PKP1: variants seen among roughly 807,000 people sequenced by gnomAD.
The protein encoded by PKP1 is plakophilin 1.
A neutral mutation model predicts 76.4 loss-of-function variants in PKP1; 27 were observed. The observed-to-expected ratio is 0.35, with a 90% CI of 0.26 to 0.49. The LOEUF (loss-of-function observed/expected upper bound fraction) is 0.49, where lower values mean the gene tolerates loss of function less well. PKP1 is among the 20% of genes least tolerant of loss of function. The probability of loss-of-function intolerance (pLI) is 0.99; values close to 1 mark genes in which losing one functional copy is unlikely to be tolerated. For synonymous variants in PKP1, 404 were observed against 384.2 expected (o/e 1.05, Z -0.60); for missense variants, 964 against 955.2 (o/e 1.01, Z -0.12).
intron 13 of PKP1, among the ~76,000 whole-genome samples, chr1:201,329,244 CT>C (rs1344735274): frequency 6.6e-6 from 1 of 152,140 alleles, no homozygotes; most frequent in East Asian, 1.9e-4. Flanking sequence ...ACACAGCTCA[CT>C]TTTTTATCCT....
chr1:201,315,802 G>A (rs537388083), intron 3 of PKP1, among the ~76,000 whole-genome samples: 52 of 152,324 alleles, frequency 3.4e-4, no homozygotes, highest in Non-Finnish European at 6.2e-4. Flanking sequence ...TGGAGAAGCC[G>A]CTGATGGTTT....
chr1:201,299,111 C>G (rs1169322914), intron 2 of PKP1, among the ~76,000 whole-genome samples: 3 of 152,208 alleles, frequency 2.0e-5, no homozygotes, highest in African/African-American at 7.2e-5. Context: ...ACCCTAGCAG[C>G]AGCAGAAACA....
chr1:201,311,324 G>A (rs1656545359), intron 2 of PKP1, among the ~76,000 whole-genome samples: 1 of 152,194 alleles, frequency 6.6e-6, no homozygotes, highest in Non-Finnish European at 1.5e-5. Context: ...CCTTGTGATT[G>A]TCCATCTATG....
At chr1:201,307,590 C>T (rs950817631) in intron 2 of PKP1, among the ~76,000 whole-genome samples, 4 of 152,108 alleles carry the variant, frequency 2.6e-5, no homozygotes, top group South Asian at 2.1e-4. Flanking sequence ...AGAGCAGAGC[C>T]GCTAAGCCAC....
chr1:201,323,053 A>T lies in PKP1; in HGVS notation c.1544A>T (p.Asn515Ile), dbSNP rs751444082. The T allele has an allele frequency of 6.2e-7, 1 of 1,613,948 alleles. No individual in the cohort carries two copies. The highest frequency in any genetic ancestry group is 1.1e-5 in the South Asian group (1 of 91,076). The part of the protein sequence containing the change: ...YDCPLPEEET[N>I]PKGSGWLYHS... ...TGCCCCCTGCCTGAGGAAGAGACCAACCCCAAGGGCAGCGGCTGGTTGTAC... is the reference window on the plus strand; with the variant it reads ...TGCCCCCTGCCTGAGGAAGAGACCATCCCCAAGGGCAGCGGCTGGTTGTAC... Residue 515 changes from asparagine to isoleucine, a missense_variant, in exon 9 of 14, where the codon AAC (asparagine) becomes ATC (isoleucine). Coordinates refer to ENST00000367324, the MANE Select transcript of PKP1 (RefSeq NM_001005337.3).
intron 2 of PKP1, among the ~76,000 whole-genome samples, chr1:201,301,070 C>T (rs572552887): frequency 6.6e-6 from 1 of 152,330 alleles, no homozygotes; most frequent in South Asian, 2.1e-4. Flanking sequence ...CAACAATGCT[C>T]CTCAGGGCCG....
At position 201,328,947 on chromosome 1, in the gene PKP1, C is replaced by T. The variant is rs1354568142; in HGVS notation, c.*32+79C>T. On this transcript the variant is annotated intron_variant, in intron 13 of 13. Coordinates refer to ENST00000367324, the MANE Select transcript of PKP1 (RefSeq NM_001005337.3). The stretch of plus-strand genomic sequence containing the variant: ...GCCAGTCTCAGAGACAAGGGCTAGG[C>T]CTGTGCTCCCAGGGACACAGAAGCA... 15 of 900,604 alleles carry T rather than the reference C, an allele frequency of 1.7e-5. No homozygotes were observed. The East Asian group carries it at 2.9e-4, about 17-fold the overall frequency. The allele number at this position is 900,604 out of a possible 1,614,324, so 55.8% of individuals were successfully genotyped here.
intron 2 of PKP1, among the ~76,000 whole-genome samples, chr1:201,310,695 A>AAAGGGCCATGAT (rs1458746578): frequency 6.6e-6 from 1 of 152,160 alleles, no homozygotes; most frequent in African/African-American, 2.4e-5. Flanking sequence ...GATGGGAGAG[A>AAAGGGCCATGAT]GTCATACCCA....
chr1:201,319,948 G>A, intron 6 of PKP1: 1 of 1,524,900 alleles, frequency 6.6e-7, no homozygotes, highest in Non-Finnish European at 9.1e-7. Context: ...AAAGTTACTG[G>A]GCAGAGTGAA....
Position 201,283,621 on chromosome 1 carries a change from C to T in PKP1, c.-82C>T. 2 of 1,258,404 alleles carry T rather than the reference C, an allele frequency of 1.6e-6. No individual in the cohort carries two copies. The highest frequency in any genetic ancestry group is 2.3e-6 in the Non-Finnish European group (2 of 881,524). The allele number at this position is 1,258,404 out of a possible 1,614,324, so 78.0% of individuals were successfully genotyped here. On this transcript the variant is annotated 5_prime_UTR_variant, in exon 1 of 14. Transcript: ENST00000367324. ...CCGCTGAGAGCGAGAAGAGCACGCT[C>T]CTGCCCGCCCGCTGCACCGCACCTC...
intron 2 of PKP1, among the ~76,000 whole-genome samples, chr1:201,301,179 C>G (rs966277477): frequency 2.0e-5 from 3 of 152,102 alleles, no homozygotes; most frequent in Non-Finnish European, 1.5e-5. Context: ...TAGTGTGGAC[C>G]CTTGTAGAGG....
chr1:201,331,189 C>G lies in PKP1; in HGVS notation c.*1148C>G, dbSNP rs140478008. The G allele has an allele frequency of 1.3e-5, 2 of 152,124 alleles. No individual in the cohort carries two copies. The highest frequency in any genetic ancestry group is 6.5e-5 in the Admixed American group (1 of 15,272). The allele number at this position is 152,124 out of a possible 1,614,324, so 9.4% of individuals were successfully genotyped here. On this transcript the variant is annotated 3_prime_UTR_variant, in exon 14 of 14. Coordinates refer to ENST00000367324, the MANE Select transcript of PKP1 (RefSeq NM_001005337.3). ...TGTTTGGGGTCCCAGGAGACTTGGA[C>G]GGGGGGAGTTTGGGTAGACTAGGAA...
In PKP1 at chr1:201,286,654, T is replaced by A; in HGVS notation, c.202+2750T>A. Reference sequence around the variant, plus strand: ...CAGGAAGAAGGTGGCTTCTGTGGCCTGGAGACCTTGCAGAAGGAGGTTGCT... The same window carrying A: ...CAGGAAGAAGGTGGCTTCTGTGGCCAGGAGACCTTGCAGAAGGAGGTTGCT... On this transcript the variant is annotated intron_variant, in intron 1 of 13. Transcript: ENST00000367324. Among the ~76,000 whole-genome samples the A allele has an allele frequency of 1.3e-5, 2 of 152,220 alleles. 1 individual carries two copies. Among genetic ancestry groups the A allele is most frequent in the South Asian group, 4.2e-4 (2 of 4,812 alleles).
intron 7 of PKP1, among the ~76,000 whole-genome samples, chr1:201,320,628 C>G (rs994618469): frequency 1.2e-4 from 18 of 152,212 alleles, no homozygotes; most frequent in African/African-American, 4.3e-4. Context: ...CTCTGTTTCC[C>G]GGTTCACTCT....
rs1190682013 is a variant in PKP1 at position 201,316,970 on chromosome 1, C to G, written c.846+273C>G. 9.2e-5 allele frequency among the ~76,000 whole-genome samples: 14 copies of G among 152,290 alleles called. No homozygotes were observed. The South Asian group carries it at 2.7e-3, about 29-fold the overall frequency. ...GCCAGCCACGGGTTCAACAGAAACC[C>G]CTTTTCTCAAATCCCACTAAAGAAC... is the stretch of plus-strand genomic sequence containing the variant. On this transcript the variant is annotated intron_variant, in intron 4 of 13. Transcript: ENST00000367324.
At chr1:201,311,602 G>A (rs746853938) in intron 2 of PKP1, among the ~76,000 whole-genome samples, 2 of 152,180 alleles carry the variant, frequency 1.3e-5, no homozygotes, top group African/African-American at 2.4e-5. Context: ...ACCAAGTCGA[G>A]TGCCAGCCCC....
intron 13 of PKP1, among the ~76,000 whole-genome samples, chr1:201,329,165 A>G (rs1657236069): frequency 6.6e-6 from 1 of 152,190 alleles, no homozygotes; most frequent in Non-Finnish European, 1.5e-5. Flanking sequence ...TGCCCTTCAC[A>G]TGGACTACAG....
rs1378950329 is a variant in PKP1, at chr1:201,313,094, T to A, written c.307-72T>A. The A allele has an allele frequency of 3.4e-6, 5 of 1,483,718 alleles. No individual in the cohort carries two copies. In the East Asian group the frequency reaches 1.2e-4, roughly 35 times the overall value. 91.9% of individuals were successfully genotyped at this position (1,483,718 alleles called of 1,614,324 possible). Reference sequence around the variant, plus strand: ...ATTATGGGGGCTGGGGAGGGCTGTATCTCATGCCCTGCTGGATCCAGGACC... The same window carrying A: ...ATTATGGGGGCTGGGGAGGGCTGTAACTCATGCCCTGCTGGATCCAGGACC... On this transcript the variant is annotated intron_variant, in intron 2 of 13. Coordinates refer to ENST00000367324, the MANE Select transcript of PKP1 (RefSeq NM_001005337.3).
intron 7 of PKP1, 47 bp from the exon 8 acceptor site, chr1:201,321,931 G>T (rs755375420): frequency 6.2e-7 from 1 of 1,611,094 alleles, no homozygotes; most frequent in African/African-American, 1.3e-5. Context: ...CCAGGAGCCT[G>T]TCGGGCCGGG....
Sources: gnomAD v4.1 joint callset for allele counts (sites outside exome capture counted in the v4.1 genomes callset) on GRCh38, gnomAD v4.1.1 for gene constraint, MANE v1.5 for transcripts, NCBI Gene and HGNC (gene_info 2026-07-23, HGNC 2026-07-21) for gene names.